B3GAT1: variants seen among roughly 807,000 people sequenced by gnomAD.
B3GAT1 encodes beta-1,3-glucuronyltransferase 1, also known as galactosylgalactosylxylosylprotein 3-beta-glucuronosyltransferase 1.
A neutral mutation model predicts 28.4 loss-of-function variants in B3GAT1; 11 were observed. The ratio of observed to expected loss-of-function variants is 0.39; its 90% CI spans 0.24 to 0.64. B3GAT1 has a LOEUF of 0.64. Among genes scored for constraint, B3GAT1 ranks in the 30% least tolerant of loss-of-function variants. The pLI, the probability that B3GAT1 is intolerant of heterozygous loss-of-function variation, is 0.50. For missense variants in B3GAT1, 375 were observed against 491.0 expected, an observed-to-expected ratio of 0.76 and a Z score of 2.23; for synonymous variants, 255 against 223.1, an observed-to-expected ratio of 1.14 and a Z score of -1.27.
At chr11:134,380,998 C>A (rs570189370) in intron 5 of B3GAT1, among the ~76,000 whole-genome samples, 1 of 152,140 alleles carries the variant, frequency 6.6e-6, no homozygotes, top group Non-Finnish European at 1.5e-5. Flanking sequence ...TGGTCCTCTG[C>A]GGGCAAACAC....
rs1167415050 is a variant in B3GAT1, at chr11:134,383,653, G to A, written c.621+27C>T. On this transcript the variant is annotated intron_variant, in intron 3 of 5. Coordinates refer to ENST00000312527, the MANE Select transcript of B3GAT1 (RefSeq NM_054025.3). ...TCCACTCCCCGCAGCCGGAGGTCCC[G>A]CTGCTCACTGTCGGGCCCTCCCTCA... The A allele has an allele frequency of 5.9e-6, 9 of 1,516,858 alleles. No individual in the cohort carries two copies. The South Asian group carries it at 7.7e-5, about 13-fold the overall frequency. The allele number at this position is 1,516,858 out of a possible 1,614,324, so 94.0% of individuals were successfully genotyped here.
chr11:134,395,678 C>T (rs949029661), intron 1 of B3GAT1, among the ~76,000 whole-genome samples: 2 of 152,142 alleles, frequency 1.3e-5, no homozygotes, highest in African/African-American at 4.8e-5. Flanking sequence ...TCCTTCCTTG[C>T]TACCTTTCCA....
rs758978188 is a variant in B3GAT1, at chr11:134,383,925, G to T, written c.376C>A (p.Arg126=). The T allele has an allele frequency of 6.3e-7, 1 of 1,596,094 alleles. No individual in the cohort carries two copies. The highest frequency in any genetic ancestry group is 1.7e-5 in the Admixed American group (1 of 59,450). ...HWLVVEDAPR[R]TPLTARLLRD... is the part of the protein sequence containing the mutation. ...AGCAGGCGCGCGGTCAGCGGCGTCC[G>T]GCGCGGCGCATCCTCCACCACCAGC... Residue 126 remains arginine, a synonymous_variant, in exon 3 of 6, where the codon CGG becomes AGG. Transcript: ENST00000312527.
intron 1 of B3GAT1, among the ~76,000 whole-genome samples, chr11:134,403,735 T>C (rs1486403469): frequency 6.6e-6 from 1 of 152,102 alleles, no homozygotes; most frequent in East Asian, 1.9e-4. Context: ...GGAATACACA[T>C]GCAATGGAAT....
At chr11:134,398,029 C>T (rs1191541367) in intron 1 of B3GAT1, among the ~76,000 whole-genome samples, 2 of 152,218 alleles carry the variant, frequency 1.3e-5, no homozygotes, top group African/African-American at 4.8e-5. Context: ...CAATGCGTTG[C>T]TTGGAATTCG....
chr11:134,383,915 A>T lies in B3GAT1; in HGVS notation c.386T>A (p.Leu129Gln). ...VVEDAPRRTPLTARLLRDTGL... is the reference protein window; with the variant it reads ...VVEDAPRRTPQTARLLRDTGL... ...GGTGTCGCGCAGCAGGCGCGCGGTC[A>T]GCGGCGTCCGGCGCGGCGCATCCTC... The change falls in exon 3 of 6, where the codon CTG becomes CAG. Residue 129 changes from leucine (L) to glutamine (Q), a missense_variant. Physicochemically the swap from Leu to Gln is moderately radical, Grantham distance 113. Transcript: ENST00000312527. The T allele has an allele frequency of 6.3e-7, 1 of 1,596,208 alleles. No individual in the cohort carries two copies. Among genetic ancestry groups the T allele is most frequent in the Non-Finnish European group, 8.5e-7 (1 of 1,176,002 alleles).
At chr11:134,382,648 G>T in intron 4 of B3GAT1, 62 bp downstream of exon 4, 1 of 1,558,198 alleles carries the variant, frequency 6.4e-7, no homozygotes, top group South Asian at 1.2e-5. Context: ...CCGATCTGTA[G>T]GGAGGGTCTG....
chr11:134,390,146 G>C (rs1386552280), intron 1 of B3GAT1: 1 of 152,234 alleles, frequency 6.6e-6, no homozygotes, highest in Non-Finnish European at 1.5e-5. Flanking sequence ...ACTCCTCTTT[G>C]CTGGCCCAGT....
At chr11:134,382,080 G>A in intron 4 of B3GAT1, 56 bp from the exon 5 acceptor site, 3 of 1,457,108 alleles carry the variant, frequency 2.1e-6, no homozygotes, top group Non-Finnish European at 2.9e-6. Context: ...TCACTCTGCT[G>A]CCTCCCTGCT....
At position 134,387,705 on chromosome 11, in the gene B3GAT1, G is replaced by A. The variant is rs377025198; in HGVS notation, c.-46C>T. 1 of 1,611,614 alleles carries A rather than the reference G, an allele frequency of 6.2e-7. No homozygotes were observed. The highest frequency in any genetic ancestry group is 8.5e-7 in the Non-Finnish European group (1 of 1,179,176). Reference sequence around the variant, plus strand: ...ACGGCTCCTCATTACCTGAGTGGCGGTAAGTTCAGGAGAGGGGCGGCCACG... The same window carrying A: ...ACGGCTCCTCATTACCTGAGTGGCGATAAGTTCAGGAGAGGGGCGGCCACG... On this transcript the variant is annotated 5_prime_UTR_variant, in exon 2 of 6. Transcript: ENST00000312527.
At position 134,382,702 on chromosome 11, in the gene B3GAT1, G is replaced by C. The variant is rs754260857; in HGVS notation, c.918+8C>G. The C allele has an allele frequency of 4.3e-6, 7 of 1,609,878 alleles. No individual in the cohort carries two copies. In the South Asian group the frequency reaches 7.7e-5, roughly 18 times the overall value. Reference sequence around the variant, plus strand: ...CATCACAGCTGTCAGTTCTGCGGAGGGTCTCACCTTGGTGCAGTTGGCTGC... The same window carrying C: ...CATCACAGCTGTCAGTTCTGCGGAGCGTCTCACCTTGGTGCAGTTGGCTGC... On this transcript the variant is annotated splice_region_variant and intron_variant, in intron 4 of 5. Transcript: ENST00000312527.
At position 134,412,118 on chromosome 11, in the gene B3GAT1, A is replaced by AGGGGGGAGGTGGAGCGGGG. The variant is rs1292299792; in HGVS notation, c.-594_-593insCCCCGCTCCACCTCCCCCC. On this transcript the variant is annotated 5_prime_UTR_variant, in exon 1 of 6. Transcript: ENST00000312527. ...CGGGGGGCGGGGAGGGGGAGCGGGG[A>AGGGGGGAGGTGGAGCGGGG]GGGGGAGCGGGGAGCGGGCGCGGGG... Among the ~76,000 whole-genome samples the AGGGGGGAGGTGGAGCGGGG allele has an allele frequency of 1.7e-5, 1 of 57,476 alleles. No individual in the cohort carries two copies. The highest frequency in any genetic ancestry group is 6.0e-5 in the African/African-American group (1 of 16,744). The allele number at this position is 57,476 out of a possible 152,430, so 37.7% of individuals were successfully genotyped here. A position where few individuals can be genotyped will look rare whatever the true frequency, so the allele number is the denominator to read the frequency against.
chr11:134,409,340 CTCT>C (rs1235841121), intron 1 of B3GAT1, among the ~76,000 whole-genome samples: 9 of 152,172 alleles, frequency 5.9e-5, no homozygotes, highest in Non-Finnish European at 1.0e-4. Flanking sequence ...TGCATGACTT[CTCT>C]TCTTCTCCTG....
chr11:134,383,585 C>T (rs1021780833), intron 3 of B3GAT1, 95 bp downstream of exon 3: 2 of 1,416,226 alleles, frequency 1.4e-6, no homozygotes, highest in Non-Finnish European at 9.3e-7. Flanking sequence ...CGGGTTCCCC[C>T]TGCGCGCGCC....
chr11:134,382,642 T>C, intron 4 of B3GAT1, 68 bp downstream of exon 4: 1 of 1,542,910 alleles, frequency 6.5e-7, no homozygotes, highest in Non-Finnish European at 8.8e-7. Context: ...CTTCTCCCGA[T>C]CTGTAGGGAG....
intron 1 of B3GAT1, among the ~76,000 whole-genome samples, chr11:134,408,264 C>G (rs1944774027): frequency 9.1e-6 from 1 of 110,204 alleles, no homozygotes; most frequent in African/African-American, 4.4e-5. Context: ...GTGGGACAGC[C>G]TGCACCGATT....
intron 1 of B3GAT1, among the ~76,000 whole-genome samples, chr11:134,396,616 G>A (rs2136325394): frequency 6.6e-6 from 1 of 150,630 alleles, no homozygotes; most frequent in South Asian, 2.1e-4. Flanking sequence ...AGGCTGTCAG[G>A]ATAACTAGAA....
At chr11:134,406,621 GCTTT>G (rs926058146) in intron 1 of B3GAT1, among the ~76,000 whole-genome samples, 1 of 152,218 alleles carries the variant, frequency 6.6e-6, no homozygotes, top group South Asian at 2.1e-4. Context: ...AATAAAAATG[GCTTT>G]CTATTTTCAA....
chr11:134,384,433 C>G, intron 2 of B3GAT1: 5 of 511,230 alleles, frequency 9.8e-6, no homozygotes, highest in East Asian at 3.1e-5. Context: ...TTGCAGCCCT[C>G]TAGCTATTTG....
Sources: allele counts gnomAD v4.1 joint callset (sites outside exome capture counted in the v4.1 genomes callset), GRCh38; gene constraint gnomAD v4.1.1; transcripts MANE v1.5; gene names NCBI Gene and HGNC (gene_info 2026-07-23, HGNC 2026-07-21).